The following TAFA1 variants were observed in gnomAD, a reference collection of about 807,000 sequenced individuals.
The protein encoded by TAFA1 is TAFA chemokine like family member 1.
Under a neutral mutation model 18.5 loss-of-function variants are expected in TAFA1, and 4 were observed. The observed-to-expected ratio is 0.22, with a 90% CI of 0.11 to 0.49. The LOEUF (loss-of-function observed/expected upper bound fraction) is 0.49. TAFA1 is among the 20% of genes least tolerant of loss of function. The probability of loss-of-function intolerance (pLI) is 0.98; values close to 1 mark genes in which losing one functional copy is unlikely to be tolerated. For synonymous variants in TAFA1, 56 were observed against 55.2 expected (o/e 1.01, Z -0.06); for missense variants, 147 against 169.0 (o/e 0.87, Z 0.72).
chr3:68,482,389 C>T (rs2072254119), intron 3 of TAFA1, among the ~76,000 whole-genome samples: 1 of 152,064 alleles, frequency 6.6e-6, no homozygotes, highest in African/African-American at 2.4e-5. Context: ...AGCTGGAAGC[C>T]TCTGCAAAAG....
chr3:68,116,749 T>C (rs1047798614), intron 2 of TAFA1, among the ~76,000 whole-genome samples: 1 of 152,222 alleles, frequency 6.6e-6, no homozygotes, highest in African/African-American at 2.4e-5. Context: ...CTGGACCTAG[T>C]TCACCCTTGT....
intron 2 of TAFA1, among the ~76,000 whole-genome samples, chr3:68,230,598 C>T (rs559918906): frequency 3.7e-4 from 56 of 152,274 alleles, no homozygotes; most frequent in African/African-American, 1.3e-3. Flanking sequence ...GCAGATATCT[C>T]TTCAATATAG....
At chr3:68,542,070 G>A (rs1490127127) in intron 4 of TAFA1, among the ~76,000 whole-genome samples, 1 of 152,124 alleles carries the variant, frequency 6.6e-6, no homozygotes. Context: ...TATTACCCCA[G>A]AAGGAAGGAG....
At chr3:68,166,128 A>G (rs2065979639) in intron 2 of TAFA1, among the ~76,000 whole-genome samples, 4 of 152,196 alleles carry the variant, frequency 2.6e-5, no homozygotes, top group Admixed American at 2.6e-4. Flanking sequence ...CAATACTGAA[A>G]TTCAGTGTGG....
At chr3:68,415,791 A>G (rs542601817) in intron 2 of TAFA1, among the ~76,000 whole-genome samples, 2 of 152,216 alleles carry the variant, frequency 1.3e-5, no homozygotes, top group East Asian at 1.9e-4. Context: ...CATTTTACAG[A>G]TGAGGAAACT....
At chr3:68,475,612 G>A (rs2106640231) in intron 3 of TAFA1, among the ~76,000 whole-genome samples, 1 of 152,248 alleles carries the variant, frequency 6.6e-6, no homozygotes, top group South Asian at 2.1e-4. Context: ...TAGTGCCACA[G>A]TAAATATACG....
intron 2 of TAFA1, among the ~76,000 whole-genome samples, chr3:68,242,134 G>A (rs1420445171): frequency 1.3e-5 from 2 of 152,078 alleles, no homozygotes; most frequent in Non-Finnish European, 2.9e-5. Context: ...GATGGGAGCT[G>A]GTAAGAGCTT....
intron 2 of TAFA1, among the ~76,000 whole-genome samples, chr3:68,347,460 A>G (rs1204332719): frequency 2.0e-5 from 3 of 152,198 alleles, no homozygotes; most frequent in Non-Finnish European, 4.4e-5. Flanking sequence ...CACTTTCTGT[A>G]TAACATAGTT....
intron 2 of TAFA1, among the ~76,000 whole-genome samples, chr3:68,101,756 AG>A (rs1438866338): frequency 6.6e-6 from 1 of 152,154 alleles, no homozygotes; most frequent in Non-Finnish European, 1.5e-5. Flanking sequence ...GGAAGACTTC[AG>A]GTATTTTAGA....
chr3:68,226,252 T>C (rs2066798901), intron 2 of TAFA1, among the ~76,000 whole-genome samples: 2 of 152,194 alleles, frequency 1.3e-5, no homozygotes, highest in Non-Finnish European at 2.9e-5. Context: ...TATTCACTCA[T>C]GGGCAGGCTG....
At chr3:68,453,048 C>G (rs1375183746) in intron 3 of TAFA1, among the ~76,000 whole-genome samples, 1 of 152,212 alleles carries the variant, frequency 6.6e-6, no homozygotes, top group South Asian at 2.1e-4. Context: ...GGCTTTTTTC[C>G]TTGCTGCTAT....
intron 2 of TAFA1, among the ~76,000 whole-genome samples, chr3:68,036,363 C>T (rs957481545): frequency 6.7e-5 from 10 of 148,756 alleles, no homozygotes; most frequent in Non-Finnish European, 1.2e-4. Context: ...CACTTGAACC[C>T]GGGAGGTGGA....
At chr3:68,477,345 A>C (rs1050946750) in intron 3 of TAFA1, among the ~76,000 whole-genome samples, 1 of 152,062 alleles carries the variant, frequency 6.6e-6, no homozygotes, top group African/African-American at 2.4e-5. Flanking sequence ...AGTAGATTCC[A>C]GCTTGGGACT....
intron 3 of TAFA1, among the ~76,000 whole-genome samples, chr3:68,521,467 A>T (rs2106751462): frequency 6.6e-6 from 1 of 152,302 alleles, no homozygotes; most frequent in East Asian, 1.9e-4. Flanking sequence ...GAAATGTACA[A>T]TCACTGGCCT....
intron 2 of TAFA1, among the ~76,000 whole-genome samples, chr3:68,388,368 T>C (rs1392783855): frequency 6.6e-6 from 1 of 152,192 alleles, no homozygotes; most frequent in African/African-American, 2.4e-5. Context: ...TTAGCAAATT[T>C]AGTAACTATA....
intron 3 of TAFA1, among the ~76,000 whole-genome samples, chr3:68,472,296 C>T (rs1200043212): frequency 1.3e-5 from 2 of 152,112 alleles, no homozygotes; most frequent in Non-Finnish European, 2.9e-5. Flanking sequence ...TTGCCTGCCA[C>T]CATGTAAGAA....
At chr3:68,225,680 T>G (rs1414727523) in intron 2 of TAFA1, among the ~76,000 whole-genome samples, 1 of 152,228 alleles carries the variant, frequency 6.6e-6, no homozygotes. Flanking sequence ...GTCCTGTCTC[T>G]ATTATTTACT....
At chr3:68,493,136 A>G (rs527823708) in intron 3 of TAFA1, among the ~76,000 whole-genome samples, 22 of 152,246 alleles carry the variant, frequency 1.4e-4, no homozygotes, top group African/African-American at 5.3e-4. Flanking sequence ...TTTTTAAACA[A>G]CAACTCCCCT....
chr3:68,506,444 T>C (rs1316537977), intron 3 of TAFA1, among the ~76,000 whole-genome samples: 1 of 146,450 alleles, frequency 6.8e-6, no homozygotes, highest in Non-Finnish European at 1.5e-5. Flanking sequence ...GGGGTCACCT[T>C]AGGGTGTGTT....
Sources: allele counts gnomAD v4.1 joint callset (sites outside exome capture counted in the v4.1 genomes callset), GRCh38; gene constraint gnomAD v4.1.1; transcripts MANE v1.5; gene names NCBI Gene and HGNC (gene_info 2026-07-23, HGNC 2026-07-21).